The following PTPRD variants were observed in gnomAD, a reference collection of about 807,000 sequenced individuals.
PTPRD encodes the protein receptor-type tyrosine-protein phosphatase delta.
PTPRD carries 34 observed loss-of-function variants against 214.5 expected under a neutral mutation model. The ratio of observed to expected loss-of-function variants is 0.16; its 90% confidence interval spans 0.12 to 0.21. The LOEUF is 0.21. PTPRD is among the 10% of genes least tolerant of loss of function. The probability of loss-of-function intolerance (pLI) is 1.00; values close to 1 mark genes in which losing one functional copy is unlikely to be tolerated. For missense variants in PTPRD, 2,545 were observed against 2,398.7 expected, an observed-to-expected ratio of 1.06 and a Z score of -1.27; for synonymous variants, 1,128 against 845.7, an observed-to-expected ratio of 1.33 and a Z score of -5.79.
intron 3 of PTPRD, among the ~76,000 whole-genome samples, chr9:10,216,172 C>T (rs1015829567): frequency 1.3e-5 from 2 of 151,812 alleles, no homozygotes; most frequent in Admixed American, 6.6e-5. Flanking sequence ...ATTATTTTAA[C>T]ATACTGCATT....
chr9:9,225,270 A>T (rs1310688371), intron 9 of PTPRD, among the ~76,000 whole-genome samples: 1 of 152,050 alleles, frequency 6.6e-6, no homozygotes, highest in Non-Finnish European at 1.5e-5. Flanking sequence ...CTGATCCATT[A>T]ACATATGAGC....
chr9:9,026,508 C>G (rs1239952804), intron 10 of PTPRD, among the ~76,000 whole-genome samples: 1 of 151,940 alleles, frequency 6.6e-6, no homozygotes, highest in East Asian at 1.9e-4. Context: ...CTAAATGTGA[C>G]ACAGCAAGGT....
intron 11 of PTPRD, among the ~76,000 whole-genome samples, chr9:8,819,229 GACTT>G (rs762583384): frequency 2.6e-5 from 4 of 152,048 alleles, no homozygotes; most frequent in South Asian, 2.1e-4. Flanking sequence ...CAAAGTTTGT[GACTT>G]ACTTGACATG....
chr9:8,887,610 A>T (rs10815988), intron 11 of PTPRD, among the ~76,000 whole-genome samples: 50,961 of 151,980 alleles, frequency 0.34, 9,185 homozygotes, highest in East Asian at 0.64. Context: ...AGATTACAAC[A>T]TTTTTTTATT....
At chr9:8,991,748 A>G (rs2099367863) in intron 11 of PTPRD, among the ~76,000 whole-genome samples, 1 of 152,166 alleles carries the variant, frequency 6.6e-6, no homozygotes, top group South Asian at 2.1e-4. Flanking sequence ...CATCAGATCA[A>G]TAGTATTTTT....
intron 14 of PTPRD, among the ~76,000 whole-genome samples, chr9:8,558,851 A>G (rs1451081376): frequency 6.6e-6 from 1 of 152,206 alleles, no homozygotes; most frequent in African/African-American, 2.4e-5. Flanking sequence ...AATTGCCACA[A>G]AATGGTGCTT....
chr9:9,466,189 G>A (rs10977788), intron 8 of PTPRD, among the ~76,000 whole-genome samples: 4,238 of 152,084 alleles, frequency 0.028, 93 homozygotes, highest in Non-Finnish European at 0.046. Flanking sequence ...GGTGCCCATA[G>A]TCCCATCTAC....
chr9:9,751,766 T>G (rs2098522512), intron 6 of PTPRD, among the ~76,000 whole-genome samples: 1 of 152,082 alleles, frequency 6.6e-6, no homozygotes. Context: ...GTGTCTCATC[T>G]CCAGAGCTAT....
At chr9:9,355,598 T>G (rs1370673187) in intron 9 of PTPRD, among the ~76,000 whole-genome samples, 1 of 151,554 alleles carries the variant, frequency 6.6e-6, no homozygotes, top group Admixed American at 6.6e-5. Flanking sequence ...TCATTTTATA[T>G]GTTTTCTAGA....
rs1199518319 is a variant in PTPRD at position 8,748,537 on chromosome 9, A to AG, written c.-103-14592_-103-14591insC. 3.4e-4 allele frequency among the ~76,000 whole-genome samples: 40 copies of AG among 117,246 alleles called. 2 individuals are homozygous for AG. Among genetic ancestry groups the AG allele is most frequent in the African/African-American group, 1.3e-3 (40 of 30,464 alleles). The allele number at this position is 117,246 out of a possible 152,430, so 76.9% of individuals were successfully genotyped here. A position where few individuals can be genotyped will look rare whatever the true frequency, so the allele number is the denominator to read the frequency against. On this transcript the variant is annotated intron_variant, in intron 11 of 45. Coordinates refer to ENST00000381196, the MANE Select transcript of PTPRD (RefSeq NM_002839.4). ...CCTGCAACTGCAAAAAAAAAAAAAA[A>AG]AAAGAAAAAGAAAAAGAAAAAGAAA...
intron 5 of PTPRD, among the ~76,000 whole-genome samples, chr9:9,911,716 G>A (rs2079237168): frequency 6.6e-6 from 1 of 151,968 alleles, no homozygotes; most frequent in Non-Finnish European, 1.5e-5. Flanking sequence ...ATAACAGTAG[G>A]ATATAGGAAG....
chr9:9,464,425 C>A (rs1365406144), intron 8 of PTPRD, among the ~76,000 whole-genome samples: 3 of 152,092 alleles, frequency 2.0e-5, no homozygotes, highest in Non-Finnish European at 2.9e-5. Context: ...GCATTTTAAG[C>A]TGTTTAATTA....
intron 9 of PTPRD, among the ~76,000 whole-genome samples, chr9:9,329,286 G>A (rs115342120): frequency 6.6e-6 from 1 of 151,904 alleles, no homozygotes; most frequent in Non-Finnish European, 1.5e-5. Flanking sequence ...AAAAACCAAA[G>A]TCTTTATTTG....
At chr9:10,490,154 A>C (rs2039708358) in intron 2 of PTPRD, among the ~76,000 whole-genome samples, 1 of 152,190 alleles carries the variant, frequency 6.6e-6, no homozygotes, top group South Asian at 2.1e-4. Context: ...CCACTAGGGA[A>C]ATCTTTTGGA....
intron 11 of PTPRD, among the ~76,000 whole-genome samples, chr9:8,777,045 A>ATCAC (rs112453882): frequency 0.53 from 80,177 of 150,742 alleles, 21,404 homozygotes; most frequent in Middle Eastern, 0.62. Context: ...CAGTGGCAGG[A>ATCAC]TCACGGCTCA....
chr9:9,258,792 G>A (rs7874373), intron 9 of PTPRD, among the ~76,000 whole-genome samples: 24,459 of 151,626 alleles, frequency 0.16, 2,288 homozygotes, highest in East Asian at 0.36. Flanking sequence ...CTTTTGCAGG[G>A]GACTGGGGGA....
chr9:8,767,386 G>A (rs566753824), intron 11 of PTPRD, among the ~76,000 whole-genome samples: 1 of 152,162 alleles, frequency 6.6e-6, no homozygotes, highest in South Asian at 2.1e-4. Flanking sequence ...CAAAGTGCTG[G>A]GATTACAGGT....
intron 14 of PTPRD, among the ~76,000 whole-genome samples, chr9:8,584,479 C>G (rs1342217810): frequency 6.6e-6 from 1 of 151,808 alleles, no homozygotes; most frequent in Non-Finnish European, 1.5e-5. Context: ...ACATTCTTCT[C>G]TATTATGTTT....
rs1062214 is a variant in PTPRD, at chr9:8,713,835, C to T, written c.64+19945G>A. The T allele has an allele frequency of 1.1e-4, 158 of 1,478,822 alleles. 1 individual carries two copies. The South Asian group carries it at 1.7e-3, about 16-fold the overall frequency. The allele number at this position is 1,478,822 out of a possible 1,614,324, so 91.6% of individuals were successfully genotyped here. On this transcript the variant is annotated intron_variant, in intron 12 of 45. Transcript: ENST00000381196. ...TCACCACCAAGAGGCCCAACACCTT[C>T]TTCTAGGTGCAGGGCCCTCGCCCGG...
Sources: gnomAD v4.1 joint callset for allele counts (sites outside exome capture counted in the v4.1 genomes callset) on GRCh38, gnomAD v4.1.1 for gene constraint, MANE v1.5 for transcripts, NCBI Gene and HGNC (gene_info 2026-07-23, HGNC 2026-07-21) for gene names.